The following MANBA variants were observed in gnomAD, a reference collection of about 807,000 sequenced individuals.
MANBA encodes the protein beta-mannosidase.
A neutral mutation model predicts 111.1 loss-of-function variants in MANBA; 83 were observed. The observed-to-expected ratio is 0.75, with a 90% CI of 0.63 to 0.90. MANBA has a LOEUF of 0.90. MANBA is among the 40% of genes least tolerant of loss of function. The pLI is 0.00. For synonymous variants in MANBA, 370 were observed against 378.7 expected, an observed-to-expected ratio of 0.98 and a Z score of 0.27; for missense variants, 1,036 against 1,069.0, an observed-to-expected ratio of 0.97 and a Z score of 0.43.
chr4:102,690,667 T>C lies in MANBA; in HGVS notation c.778A>G (p.Thr260Ala), dbSNP rs762887276. The change falls in exon 6 of 17, where the codon ACA becomes GCA. Residue 260 changes from threonine to alanine, a missense_variant. By Grantham distance (58) the Thr-to-Ala change is moderately conservative (BLOSUM62 0). Coordinates refer to ENST00000647097, the MANE Select transcript of MANBA (RefSeq NM_005908.4). ...AGTTCAATGCTGTATGTCTGTTGTGTTTGCAACTTAGGGATGGCTACGATC... is the reference window on the plus strand; with the variant it reads ...AGTTCAATGCTGTATGTCTGTTGTGCTTGCAACTTAGGGATGGCTACGATC... ...QVIVAIPKLQ[T>A]QQTYSIELQP... The C allele has an allele frequency of 9.3e-6, 15 of 1,612,074 alleles. No homozygotes were observed. Among genetic ancestry groups the C allele is most frequent in the South Asian group, 1.1e-5 (1 of 90,984 alleles).
At chr4:102,695,117 C>A (rs936586982) in intron 5 of MANBA, among the ~76,000 whole-genome samples, 10 of 152,100 alleles carry the variant, frequency 6.6e-5, no homozygotes, top group Non-Finnish European at 1.3e-4. Context: ...GTATACTGCT[C>A]CTTCGTTCAG....
intron 1 of MANBA, among the ~76,000 whole-genome samples, chr4:102,756,508 G>A (rs1724024134): frequency 6.6e-6 from 1 of 151,988 alleles, no homozygotes; most frequent in Non-Finnish European, 1.5e-5. Context: ...AGCATTAGGA[G>A]ATATACCTAA....
chr4:102,647,903 T>C (rs1349195242), intron 13 of MANBA, among the ~76,000 whole-genome samples: 3 of 152,126 alleles, frequency 2.0e-5, no homozygotes, highest in Non-Finnish European at 4.4e-5. Context: ...GAGCATGAGT[T>C]TGGATTAAAA....
rs1315669098 is a variant in MANBA, at chr4:102,664,372, G to A, written c.1485+313C>T. 2.7e-5 allele frequency among the ~76,000 whole-genome samples: 4 copies of A among 147,368 alleles called. No homozygotes were observed. In the South Asian group the frequency reaches 6.4e-4, roughly 24 times the overall value. ...ACATTCTTTTTTTTTTTTTTGAGAC[G>A]GAGTCTCGCCCTGTCGCCCAGGCTG... is the stretch of plus-strand genomic sequence containing the variant. On this transcript the variant is annotated intron_variant, in intron 11 of 16. Coordinates refer to ENST00000647097, the MANE Select transcript of MANBA (RefSeq NM_005908.4).
At chr4:102,650,361 A>G (rs1051816840) in intron 13 of MANBA, among the ~76,000 whole-genome samples, 176 bp downstream of exon 13, 2 of 152,246 alleles carry the variant, frequency 1.3e-5, no homozygotes, top group Non-Finnish European at 2.9e-5. Context: ...GCAAATGCCA[A>G]AAATGAACTA....
intron 1 of MANBA, among the ~76,000 whole-genome samples, chr4:102,754,960 G>C (rs888474641): frequency 6.6e-6 from 1 of 152,116 alleles, no homozygotes; most frequent in Admixed American, 6.5e-5. Context: ...CCTGCTCAAT[G>C]AAATAAAAGA....
At chr4:102,714,779 C>G (rs1248073843) in intron 4 of MANBA, among the ~76,000 whole-genome samples, 2 of 152,194 alleles carry the variant, frequency 1.3e-5, no homozygotes, top group Non-Finnish European at 2.9e-5. Context: ...CCTCCTGAAG[C>G]CGATCTCCTC....
In MANBA at chr4:102,636,062, C is replaced by T. The variant is rs2866414; in HGVS notation, c.2015-55G>A. ...GCAAGGTCAAGTAGTCAGAGAGGCA[C>T]TGTCCAATGGCCCAGCTGTTTGTGG... On this transcript the variant is annotated intron_variant, in intron 14 of 16. Transcript: ENST00000647097. The T allele has an allele frequency of 0.52, 787,334 of 1,515,904 alleles. 207,012 individuals are homozygous for T. Among genetic ancestry groups the T allele is most frequent in the Admixed American group, 0.7 (41,403 of 59,434 alleles). The allele number at this position is 1,515,904 out of a possible 1,614,324, so 93.9% of individuals were successfully genotyped here.
chr4:102,712,779 T>G (rs1328271396), intron 5 of MANBA, among the ~76,000 whole-genome samples: 2 of 152,146 alleles, frequency 1.3e-5, no homozygotes, highest in East Asian at 3.9e-4. Context: ...TCCACCCACT[T>G]TGGCCTCCCA....
At chr4:102,713,259 C>T (rs957488624) in intron 5 of MANBA, among the ~76,000 whole-genome samples, 7 of 152,210 alleles carry the variant, frequency 4.6e-5, no homozygotes, top group Non-Finnish European at 1.0e-4. Context: ...TGTGATTACA[C>T]TGAGCATTGC....
chr4:102,651,748 T>C (rs1730342528), intron 12 of MANBA, among the ~76,000 whole-genome samples: 1 of 152,114 alleles, frequency 6.6e-6, no homozygotes, highest in Non-Finnish European at 1.5e-5. Context: ...ATATAAGAAA[T>C]GTACACTAGC....
At chr4:102,710,335 CA>C (rs1560789509) in intron 5 of MANBA, among the ~76,000 whole-genome samples, 5 of 151,852 alleles carry the variant, frequency 3.3e-5, no homozygotes, top group Non-Finnish European at 5.9e-5. Flanking sequence ...AGTCAACATA[CA>C]AAAATTAGTA....
intron 7 of MANBA, among the ~76,000 whole-genome samples, chr4:102,688,067 T>C (rs1318234589): frequency 6.6e-6 from 1 of 152,144 alleles, no homozygotes; most frequent in Non-Finnish European, 1.5e-5. Context: ...TGTAAAAGAA[T>C]TATTTCCCTT....
chr4:102,720,111 C>T (rs767470717), intron 4 of MANBA, among the ~76,000 whole-genome samples: 3 of 152,042 alleles, frequency 2.0e-5, no homozygotes, highest in Non-Finnish European at 4.4e-5. Flanking sequence ...CATTAGGATC[C>T]AGGATAGTTT....
chr4:102,664,352 C>CTT lies in MANBA; in HGVS notation c.1485+331_1485+332dup, dbSNP rs35167854. Among the ~76,000 whole-genome samples, 452 of 146,100 alleles carry CTT rather than the reference C, an allele frequency of 3.1e-3. 2 individuals are homozygous for CTT. Among genetic ancestry groups the CTT allele is most frequent in the African/African-American group, 8.3e-3 (331 of 39,778 alleles). On this transcript the variant is annotated intron_variant, in intron 11 of 16. Transcript: ENST00000647097. ...AACTTATCCACTTTAAACATACATT[C>CTT]TTTTTTTTTTTTTTGAGACGGAGTC...
chr4:102,699,419 C>A (rs905311511), intron 5 of MANBA, among the ~76,000 whole-genome samples: 6 of 152,078 alleles, frequency 3.9e-5, no homozygotes, highest in African/African-American at 7.3e-5. Flanking sequence ...TGAGAGATGG[C>A]ATCCCTGTCT....
intron 7 of MANBA, among the ~76,000 whole-genome samples, chr4:102,686,975 T>G (rs1476545964): frequency 6.6e-6 from 1 of 152,156 alleles, no homozygotes; most frequent in Non-Finnish European, 1.5e-5. Flanking sequence ...TATTATTCCT[T>G]GGGTGTCTCT....
intron 10 of MANBA, chr4:102,667,269 TCC>T (rs1560760244): frequency 6.6e-6 from 1 of 151,802 alleles, no homozygotes; most frequent in Non-Finnish European, 1.5e-5. Flanking sequence ...TGCTAGGGAG[TCC>T]AATCAGAAAA....
At chr4:102,648,282 C>T (rs1560746792) in intron 13 of MANBA, among the ~76,000 whole-genome samples, 1 of 152,028 alleles carries the variant, frequency 6.6e-6, no homozygotes, top group Non-Finnish European at 1.5e-5. Flanking sequence ...GTATTCCTAA[C>T]AGCATTATTC....
Sources: allele counts gnomAD v4.1 joint callset (sites outside exome capture counted in the v4.1 genomes callset), GRCh38; gene constraint gnomAD v4.1.1; transcripts MANE v1.5; gene names NCBI Gene and HGNC (gene_info 2026-07-23, HGNC 2026-07-21).